The following LRP1B variants were observed in gnomAD, a reference collection of about 807,000 sequenced individuals.
LRP1B encodes the protein low-density lipoprotein receptor-related protein 1B.
A neutral mutation model predicts 556.6 loss-of-function variants in LRP1B; 217 were observed. The ratio of observed to expected loss-of-function variants is 0.39; its 90% confidence interval spans 0.35 to 0.44. The LOEUF is 0.44. Ranked by LOEUF, LRP1B falls within the 20% of genes least tolerant of loss-of-function variation. LRP1B has a pLI of 1.00. For synonymous variants in LRP1B, 2,047 were observed against 1,865.8 expected, an observed-to-expected ratio of 1.10 and a Z score of -2.50; for missense variants, 5,053 against 5,620.8, an observed-to-expected ratio of 0.90 and a Z score of 3.23.
In LRP1B at chr2:141,093,285, G is replaced by T. The variant is rs145113179; in HGVS notation, c.1014-31012C>A. On this transcript the variant is annotated intron_variant, in intron 7 of 90. Coordinates refer to ENST00000389484, the MANE Select transcript of LRP1B (RefSeq NM_018557.3). Reference sequence around the variant, plus strand: ...AAAATATTTTATGTTCAATTGAGGTGGTTGCACATGGAAGTCCTCGTCTGT... The same window carrying T: ...AAAATATTTTATGTTCAATTGAGGTTGTTGCACATGGAAGTCCTCGTCTGT... 9.5e-3 allele frequency among the ~76,000 whole-genome samples: 1,451 copies of T among 152,224 alleles called. 10 individuals carry two copies. Among genetic ancestry groups the T allele is most frequent in the Non-Finnish European group, 0.016 (1,069 of 68,008 alleles).
chr2:141,928,614 A>G (rs571840006), intron 1 of LRP1B, among the ~76,000 whole-genome samples: 4 of 152,278 alleles, frequency 2.6e-5, no homozygotes, highest in African/African-American at 9.6e-5. Flanking sequence ...TGGCAGAACC[A>G]TATCACTCAG....
chr2:141,270,763 T>G (rs1032619866), intron 3 of LRP1B, among the ~76,000 whole-genome samples: 1 of 151,950 alleles, frequency 6.6e-6, no homozygotes, highest in Non-Finnish European at 1.5e-5. Flanking sequence ...AGTAGAATGG[T>G]GGGTGCCAGA....
chr2:140,807,367 G>A (rs1220926050), intron 32 of LRP1B, among the ~76,000 whole-genome samples: 1 of 151,724 alleles, frequency 6.6e-6, no homozygotes, highest in Non-Finnish European at 1.5e-5. Context: ...TTTAGACAGA[G>A]TCTCACTCTA....
chr2:140,885,015 C>G (rs1230426749), intron 24 of LRP1B, among the ~76,000 whole-genome samples: 2 of 151,994 alleles, frequency 1.3e-5, no homozygotes, highest in Admixed American at 6.6e-5. Context: ...GCTGGCCAGC[C>G]AAAACTTTCA....
chr2:140,864,799 G>A (rs528142634), intron 27 of LRP1B, among the ~76,000 whole-genome samples: 31 of 152,014 alleles, frequency 2.0e-4, no homozygotes, highest in African/African-American at 6.7e-4. Flanking sequence ...TAAACTCAAC[G>A]TTTACAAGAT....
chr2:140,610,686 C>A (rs554973592), intron 41 of LRP1B, among the ~76,000 whole-genome samples: 2 of 152,152 alleles, frequency 1.3e-5, no homozygotes, highest in East Asian at 1.9e-4. Flanking sequence ...CCGGGGTGCA[C>A]GCCATTCTCC....
chr2:141,395,492 G>A lies in LRP1B; in HGVS notation c.343+84904C>T, dbSNP rs559973007. Among the ~76,000 whole-genome samples the A allele has an allele frequency of 2.0e-5, 3 of 152,234 alleles. 1 individual carries two copies. In the South Asian group the frequency reaches 6.2e-4, roughly 32 times the overall value. Reference sequence around the variant, plus strand: ...AACTGTATCATGTAGATTTATGTAAGTACTCTCTATGATGTTCACACAATG... The same window carrying A: ...AACTGTATCATGTAGATTTATGTAAATACTCTCTATGATGTTCACACAATG... On this transcript the variant is annotated intron_variant, in intron 3 of 90. Coordinates refer to ENST00000389484, the MANE Select transcript of LRP1B (RefSeq NM_018557.3).
chr2:140,258,941 T>C (rs1475491075), intron 86 of LRP1B, among the ~76,000 whole-genome samples: 1 of 152,178 alleles, frequency 6.6e-6, no homozygotes, highest in East Asian at 1.9e-4. Flanking sequence ...GAACTTTTTC[T>C]ATCAGATGAC....
intron 3 of LRP1B, among the ~76,000 whole-genome samples, chr2:141,381,148 T>C (rs2104886927): frequency 6.6e-6 from 1 of 152,128 alleles, no homozygotes; most frequent in East Asian, 1.9e-4. Context: ...GTCATAAAAA[T>C]GCTCGCTGAG....
At chr2:141,364,758 G>A (rs1205154591) in intron 3 of LRP1B, among the ~76,000 whole-genome samples, 1 of 152,150 alleles carries the variant, frequency 6.6e-6, no homozygotes, top group Non-Finnish European at 1.5e-5. Flanking sequence ...AGCACAGAAT[G>A]TGAAAATGTG....
intron 9 of LRP1B, among the ~76,000 whole-genome samples, chr2:141,055,775 T>C (rs1370962771): frequency 6.7e-6 from 1 of 149,414 alleles, no homozygotes; most frequent in African/African-American, 2.5e-5. Flanking sequence ...TTTAAGTCTA[T>C]TGTCATTTTG....
At chr2:141,594,099 A>C (rs1405843958) in intron 2 of LRP1B, among the ~76,000 whole-genome samples, 2 of 152,116 alleles carry the variant, frequency 1.3e-5, no homozygotes, top group Non-Finnish European at 2.9e-5. Context: ...CTCACAAGCC[A>C]ATCAGCATGC....
chr2:140,323,856 T>A (rs1680304058), intron 81 of LRP1B, 37 bp downstream of exon 81: 1 of 1,029,218 alleles, frequency 9.7e-7, no homozygotes, highest in African/African-American at 1.6e-5. Flanking sequence ...GAAAATAATT[T>A]ACCAATATAG....
At chr2:141,058,442 A>G (rs1365374216) in intron 9 of LRP1B, among the ~76,000 whole-genome samples, 1 of 151,874 alleles carries the variant, frequency 6.6e-6, no homozygotes, top group Non-Finnish European at 1.5e-5. Flanking sequence ...ATTGAAAATT[A>G]CTTTTTAATG....
At chr2:142,023,366 C>T (rs574322250) in intron 1 of LRP1B, among the ~76,000 whole-genome samples, 2 of 152,258 alleles carry the variant, frequency 1.3e-5, no homozygotes, top group African/African-American at 2.4e-5. Flanking sequence ...GTGAGGATAA[C>T]CCAGCTGTCT....
chr2:141,940,747 G>T (rs1461235763), intron 1 of LRP1B, among the ~76,000 whole-genome samples: 1 of 152,110 alleles, frequency 6.6e-6, no homozygotes, highest in Non-Finnish European at 1.5e-5. Context: ...TTTGCAAAGA[G>T]AGTAGGATGT....
intron 6 of LRP1B, among the ~76,000 whole-genome samples, chr2:141,221,300 AAAAAAAAAC>A (rs1683029792): frequency 6.6e-6 from 1 of 152,026 alleles, no homozygotes; most frequent in Non-Finnish European, 1.5e-5. Flanking sequence ...AAAAAAAAAA[AAAAAAAAAC>A]CAAAGGGCAT....
intron 7 of LRP1B, among the ~76,000 whole-genome samples, chr2:141,066,168 C>T (rs769975385): frequency 6.6e-6 from 1 of 151,896 alleles, no homozygotes; most frequent in Non-Finnish European, 1.5e-5. Context: ...GAAAACATTT[C>T]TTTCAAATTT....
At chr2:140,571,257 A>G (rs1406004106) in intron 43 of LRP1B, among the ~76,000 whole-genome samples, 1 of 151,738 alleles carries the variant, frequency 6.6e-6, no homozygotes, top group African/African-American at 2.4e-5. Flanking sequence ...TCCATATAGG[A>G]AACCCTAAAA....
Sources: allele counts gnomAD v4.1 joint callset (sites outside exome capture counted in the v4.1 genomes callset), GRCh38; gene constraint gnomAD v4.1.1; transcripts MANE v1.5; gene names NCBI Gene and HGNC (gene_info 2026-07-23, HGNC 2026-07-21).